The following KRT8 variants were observed in gnomAD, a reference collection of about 807,000 sequenced individuals.
KRT8 encodes keratin 8.
Under a neutral mutation model 43.0 loss-of-function variants are expected in KRT8, and 24 were observed. The observed-to-expected ratio is 0.56, with a 90% CI of 0.40 to 0.78. The LOEUF is 0.78. Ranked by LOEUF, KRT8 falls within the 30% of genes least tolerant of loss-of-function variation. The pLI is 0.00. For synonymous variants in KRT8, 214 were observed against 261.2 expected (o/e 0.82, Z 1.74); for missense variants, 492 against 638.4 (o/e 0.77, Z 2.47).
intron 2 of KRT8, among the ~76,000 whole-genome samples, chr12:52,920,811 G>T (rs1393627984): frequency 6.6e-6 from 1 of 152,186 alleles, no homozygotes; most frequent in Non-Finnish European, 1.5e-5. Context: ...GAAGGCCAAG[G>T]GAAGATCACT....
upstream of KRT8, among the ~76,000 whole-genome samples, chr12:52,910,585 C>T (rs149280238): frequency 1.3e-5 from 2 of 152,290 alleles, no homozygotes; most frequent in African/African-American, 2.4e-5. Flanking sequence ...GTGAAGACAG[C>T]GGTACTGGGG....
intron 2 of KRT8, among the ~76,000 whole-genome samples, chr12:52,922,831 A>G (rs1941915362): frequency 6.6e-6 from 1 of 152,182 alleles, no homozygotes; most frequent in Admixed American, 6.5e-5. Flanking sequence ...TCCAAAACCC[A>G]AAGTTTAGCT....
At chr12:52,909,099 T>C (rs888589810), upstream of KRT8, among the ~76,000 whole-genome samples, 4 of 152,252 alleles carry the variant, frequency 2.6e-5, no homozygotes, top group African/African-American at 9.6e-5. Flanking sequence ...AACTGCAAGC[T>C]TCAGATTGTT....
chr12:52,926,290 A>C, intron 2 of KRT8: 5 of 807,928 alleles, frequency 6.2e-6, no homozygotes, highest in Non-Finnish European at 9.9e-6. Context: ...CAAATTCCTC[A>C]TCTGGTGGCT....
At chr12:52,943,130 T>G (rs1446635788) in intron 2 of KRT8, among the ~76,000 whole-genome samples, 2 of 152,192 alleles carry the variant, frequency 1.3e-5, no homozygotes, top group African/African-American at 4.8e-5. Flanking sequence ...TTTACTAAAC[T>G]GTCTCATCCT....
intron 2 of KRT8, among the ~76,000 whole-genome samples, chr12:52,942,751 T>C (rs1037575211): frequency 2.6e-5 from 4 of 152,132 alleles, no homozygotes; most frequent in Admixed American, 1.3e-4. Context: ...CAGTGTTTCT[T>C]GTGTGGCTGG....
At chr12:52,911,553 AT>A (rs934563166), upstream of KRT8, among the ~76,000 whole-genome samples, 8 of 152,200 alleles carry the variant, frequency 5.3e-5, no homozygotes, top group African/African-American at 9.6e-5. Flanking sequence ...TGCAAAAAAA[AT>A]GCCTTACAAA....
At chr12:52,931,644 C>T (rs940964595) in intron 2 of KRT8, among the ~76,000 whole-genome samples, 3 of 146,522 alleles carry the variant, frequency 2.0e-5, no homozygotes, top group Non-Finnish European at 4.5e-5. Context: ...TTCTCCACTA[C>T]TCATTGGCTC....
upstream of KRT8, among the ~76,000 whole-genome samples, chr12:52,911,419 A>G (rs976750011): frequency 7.2e-5 from 11 of 152,282 alleles, 1 homozygote; most frequent in African/African-American, 2.6e-4. Context: ...GGCTGACTAT[A>G]TACTGGGCAC....
intron 2 of KRT8, among the ~76,000 whole-genome samples, chr12:52,921,986 C>T (rs539425011): frequency 3.3e-5 from 5 of 151,768 alleles, no homozygotes; most frequent in South Asian, 2.1e-4. Context: ...GACAACACAG[C>T]AAGACCCTGT....
intron 2 of KRT8, chr12:52,926,335 C>CT: frequency 1.4e-6 from 1 of 703,244 alleles, no homozygotes; most frequent in South Asian, 1.6e-5. Context: ...ACTAGCTGCC[C>CT]TCCCCACCCC....
chr12:52,903,289 A>G (rs1220508945), intron 1 of KRT8, among the ~76,000 whole-genome samples: 10 of 152,364 alleles, frequency 6.6e-5, no homozygotes, highest in South Asian at 2.1e-4. Context: ...AGATGAGGAA[A>G]TAAGACTTGG....
chr12:52,930,218 T>A (rs1451074554), intron 2 of KRT8, among the ~76,000 whole-genome samples: 3 of 8,670 alleles, frequency 3.5e-4, no homozygotes, highest in Non-Finnish European at 5.1e-4. Context: ...AATTCTATCA[T>A]TTTTTTTTTT....
chr12:52,918,094 G>A (rs1348962834), intron 2 of KRT8, among the ~76,000 whole-genome samples: 1 of 137,486 alleles, frequency 7.3e-6, no homozygotes, highest in Non-Finnish European at 1.5e-5. Flanking sequence ...AGGAGAAGAA[G>A]AAGAGGAAGA....
At chr12:52,901,321 CACAG>C in intron 2 of KRT8, 102 bp from the exon 3 acceptor site, 1 of 855,030 alleles carries the variant, frequency 1.2e-6, no homozygotes, top group Non-Finnish European at 2.0e-6. Context: ...AAATTCAGTT[CACAG>C]AGATGCAGGA....
chr12:52,949,087 C>A lies in KRT8; in HGVS notation c.-47+369G>T. On this transcript the variant is annotated intron_variant, in intron 2 of 6. Transcript: ENST00000546826. ...GGGGCGGGGGCGGGGCCTCACTCTGCGATATAACTCGGGTCGCGCGGCTCG... is the reference window on the plus strand; with the variant it reads ...GGGGCGGGGGCGGGGCCTCACTCTGAGATATAACTCGGGTCGCGCGGCTCG... 3.2e-6 allele frequency: 4 copies of A among 1,262,932 alleles called. No individual in the cohort carries two copies. In the Admixed American group the frequency reaches 5.4e-5, roughly 17 times the overall value. The allele number at this position is 1,262,932 out of a possible 1,614,324, so 78.2% of individuals were successfully genotyped here.
intron 2 of KRT8, among the ~76,000 whole-genome samples, chr12:52,921,595 T>C (rs925046038): frequency 2.6e-5 from 4 of 152,074 alleles, no homozygotes; most frequent in Admixed American, 2.0e-4. Context: ...TCTCTCTTTG[T>C]GTCCCTCTAG....
chr12:52,901,307 A>G, intron 2 of KRT8, 88 bp from the exon 3 acceptor site: 2 of 930,488 alleles, frequency 2.1e-6, no homozygotes, highest in South Asian at 1.3e-5. Flanking sequence ...TGTGAAAATC[A>G]GGAAAATTCA....
At chr12:52,920,638 C>T (rs1301124103) in intron 2 of KRT8, among the ~76,000 whole-genome samples, 1 of 152,140 alleles carries the variant, frequency 6.6e-6, no homozygotes, top group Admixed American at 6.5e-5. Context: ...GGGCAGAGAC[C>T]TTGACTATGT....
Sources: gnomAD v4.1 joint callset for allele counts (sites outside exome capture counted in the v4.1 genomes callset) on GRCh38, gnomAD v4.1.1 for gene constraint, MANE v1.5 for transcripts, NCBI Gene and HGNC (gene_info 2026-07-23, HGNC 2026-07-21) for gene names.